The following MYO9A variants were observed in gnomAD, a reference collection of about 807,000 sequenced individuals.
MYO9A encodes myosin IXA, also known as unconventional myosin-IXa.
In MYO9A, 103 loss-of-function variants were observed where a neutral mutation model predicts 293.3. That is an observed-to-expected ratio of 0.35 (90% CI 0.30 to 0.41). The LOEUF is 0.41. MYO9A is among the 10% of genes least tolerant of loss of function. The pLI is 1.00. For synonymous variants in MYO9A, 1,001 were observed against 1,035.7 expected (o/e 0.97, Z 0.64); for missense variants, 2,685 against 3,033.0 (o/e 0.89, Z 2.69).
chr15:71,835,630 A>G (rs1055957876), intron 39 of MYO9A, among the ~76,000 whole-genome samples: 17 of 152,198 alleles, frequency 1.1e-4, no homozygotes, highest in Non-Finnish European at 2.4e-4. Context: ...CTAATGATCT[A>G]CATGAATGAA....
chr15:71,880,417 G>A lies in MYO9A; in HGVS notation c.5540C>T (p.Ser1847Phe). 1 of 1,614,208 alleles carries A rather than the reference G, an allele frequency of 6.2e-7. No individual in the cohort carries two copies. ...SVKISNVALD[S>F]MHWQNDSVQI... Reference sequence around the variant, plus strand: ...GACAGAGTCATTTTGCCAATGCATAGAATCCAAAGCCACGTTGCTAATCTT... The same window carrying A: ...GACAGAGTCATTTTGCCAATGCATAAAATCCAAAGCCACGTTGCTAATCTT... The change falls in exon 29 of 42, where the codon TCT becomes TTT. Residue 1847 changes from serine (S) to phenylalanine (F), a missense_variant. Physicochemically the swap from Ser to Phe is radical, Grantham distance 155. This residue lies in a region of MYO9A where 1,434 missense variants were observed against 1,497.7 expected (regional missense o/e 0.96). Coordinates refer to ENST00000356056, the MANE Select transcript of MYO9A (RefSeq NM_006901.4).
Position 72,046,175 on chromosome 15 carries a change from T to A in MYO9A, c.389A>T (p.Glu130Val), listed in dbSNP as rs370568968. 5 of 1,614,056 alleles carry A rather than the reference T, an allele frequency of 3.1e-6. No homozygotes were observed. In the African/African-American group the frequency reaches 5.3e-5, roughly 17 times the overall value. Residue 130 changes from glutamate to valine, a missense_variant, in exon 2 of 42, where the codon GAA becomes GTA. Coordinates refer to ENST00000356056, the MANE Select transcript of MYO9A (RefSeq NM_006901.4). ...ACCCCGTTCCATCATCCTGCGACGT[T>A]CTTCTGTTACCCGTAGCCATGACTG... is the stretch of plus-strand genomic sequence containing the variant. ...SLQSWLRVTEERRRMMERGFL... is the reference protein window; with the variant it reads ...SLQSWLRVTEVRRRMMERGFL...
Position 72,032,531 on chromosome 15 carries a change from T to A in MYO9A, c.898A>T (p.Ile300Phe). The change falls in exon 3 of 42, where the codon ATT (isoleucine) becomes TTT (phenylalanine). Residue 300 changes from isoleucine (I) to phenylalanine (F), a missense_variant. Physicochemically the swap from Ile to Phe is conservative, Grantham distance 21 (BLOSUM62 0). Transcript: ENST00000356056. ...NNNSSRFGKF[I>F]QVNYQETGTV... ...CCTGTTTCCTGGTAATTTACTTGAA[T>A]AAACTTCCCAAAACGACTTGAATTG... 2.5e-6 allele frequency: 4 copies of A among 1,609,540 alleles called. No individual in the cohort carries two copies.
intron 11 of MYO9A, among the ~76,000 whole-genome samples, chr15:71,982,860 T>C (rs1264136361): frequency 6.6e-6 from 1 of 152,228 alleles, no homozygotes; most frequent in African/African-American, 2.4e-5. Context: ...TTTTGGACTG[T>C]ATACTACTTC....
intron 1 of MYO9A, among the ~76,000 whole-genome samples, chr15:72,102,564 A>C (rs2080395054): frequency 6.6e-6 from 1 of 152,054 alleles, no homozygotes; most frequent in Non-Finnish European, 1.5e-5. Context: ...AGCACTCTGG[A>C]CTCTGAATCC....
At chr15:71,839,755 C>T (rs138567812) in intron 39 of MYO9A, among the ~76,000 whole-genome samples, 1 of 151,936 alleles carries the variant, frequency 6.6e-6, no homozygotes, top group South Asian at 2.1e-4. Context: ...CATGGATATT[C>T]ATTTTCCCCA....
At chr15:72,045,597 C>G (rs1439386138) in intron 2 of MYO9A, 127 bp downstream of exon 2, 3 of 1,084,010 alleles carry the variant, frequency 2.8e-6, no homozygotes, top group Non-Finnish European at 2.5e-6. Context: ...GGAGATGGAA[C>G]AGTATCTTGC....
intron 1 of MYO9A, among the ~76,000 whole-genome samples, chr15:72,101,719 G>A (rs1394806751): frequency 7.4e-6 from 1 of 135,718 alleles, no homozygotes; most frequent in African/African-American, 2.8e-5. Context: ...CCGGCCAGCC[G>A]CCCCGTCTGG....
intron 14 of MYO9A, among the ~76,000 whole-genome samples, chr15:71,957,495 T>TA (rs1368322302): frequency 6.6e-6 from 1 of 152,130 alleles, no homozygotes; most frequent in Admixed American, 6.5e-5. Flanking sequence ...CTTTTTTTTT[T>TA]AACAAAAGTT....
intron 1 of MYO9A, among the ~76,000 whole-genome samples, chr15:72,083,450 A>C (rs2079615351): frequency 6.6e-6 from 1 of 152,158 alleles, no homozygotes; most frequent in Non-Finnish European, 1.5e-5. Context: ...TTTTTCAAAA[A>C]ACCAAATCCT....
intron 39 of MYO9A, chr15:71,847,594 C>G (rs151269994): frequency 1.8e-5 from 6 of 328,750 alleles, no homozygotes; most frequent in Non-Finnish European, 4.1e-5. Context: ...TGGAAAAAAG[C>G]GCAGCTTATC....
chr15:71,875,881 G>C (rs2056667450), intron 31 of MYO9A, 43 bp from the exon 32 acceptor site: 1 of 1,108,170 alleles, frequency 9.0e-7, no homozygotes, highest in Non-Finnish European at 1.2e-6. Flanking sequence ...TGATAACAAA[G>C]ACTAACATAC....
chr15:71,935,060 A>C (rs1353008166), intron 17 of MYO9A: 1 of 237,736 alleles, frequency 4.2e-6, no homozygotes, highest in Non-Finnish European at 8.0e-6. Flanking sequence ...GGGCCTGTCT[A>C]AACAATAAGA....
In MYO9A at chr15:72,071,916, C is replaced by A. The variant is rs147411520; in HGVS notation, c.-71-25282G>T. 4.9e-3 allele frequency among the ~76,000 whole-genome samples: 745 copies of A among 151,468 alleles called. 4 individuals are homozygous for A. The highest frequency in any genetic ancestry group is 7.3e-3 in the Non-Finnish European group (495 of 67,878). On this transcript the variant is annotated intron_variant, in intron 1 of 41. Coordinates refer to ENST00000356056, the MANE Select transcript of MYO9A (RefSeq NM_006901.4). ...AATAAATTTTTCTATCAAAAAGATA[C>A]CTGCTTAGCCAGGTGTGGCGGTATA...
intron 12 of MYO9A, among the ~76,000 whole-genome samples, chr15:71,968,994 T>C (rs188522068): frequency 1.4e-3 from 215 of 152,322 alleles, no homozygotes; most frequent in African/African-American, 4.5e-3. Context: ...ATAGTATGCA[T>C]TGCAAACCAT....
At chr15:71,904,238 G>A (rs1409379929) in intron 20 of MYO9A, among the ~76,000 whole-genome samples, 199 bp from the exon 21 acceptor site, 3 of 152,178 alleles carry the variant, frequency 2.0e-5, no homozygotes, top group African/African-American at 7.2e-5. Context: ...CAACCCTAGG[G>A]AAAAGAGAGA....
At chr15:71,916,315 A>G (rs1221710033) in intron 19 of MYO9A, 55 bp downstream of exon 19, 26 of 1,579,256 alleles carry the variant, frequency 1.6e-5, no homozygotes, top group Non-Finnish European at 2.2e-5. Flanking sequence ...TAACCTTTCA[A>G]TGACAATCTG....
At chr15:72,049,641 C>G (rs1378339730) in intron 1 of MYO9A, among the ~76,000 whole-genome samples, 1 of 152,224 alleles carries the variant, frequency 6.6e-6, no homozygotes, top group African/African-American at 2.4e-5. Flanking sequence ...CCTGTCAGAT[C>G]GTCAGCAGCA....
intron 1 of MYO9A, among the ~76,000 whole-genome samples, chr15:72,048,662 C>T (rs1056386617): frequency 6.6e-6 from 1 of 152,084 alleles, no homozygotes; most frequent in South Asian, 2.1e-4. Context: ...CTGAAGGGCA[C>T]ATTACCTTAA....
Sources: allele counts gnomAD v4.1 joint callset (sites outside exome capture counted in the v4.1 genomes callset), GRCh38; gene constraint gnomAD v4.1.1; regional missense constraint gnomAD v4.1.1; transcripts MANE v1.5; gene names NCBI Gene and HGNC (gene_info 2026-07-23, HGNC 2026-07-21).